SERF2: variants seen among roughly 807,000 people sequenced by gnomAD.
SERF2 encodes gastric cancer-related protein VRG107.
A neutral mutation model predicts 10.7 loss-of-function variants in SERF2; 4 were observed. That is an observed-to-expected ratio of 0.37 (90% confidence interval 0.18 to 0.86). The LOEUF (loss-of-function observed/expected upper bound fraction) is 0.86. Ranked by LOEUF, SERF2 falls within the 40% of genes least tolerant of loss-of-function variation. SERF2 has a pLI of 0.43. For synonymous variants in SERF2, 26 were observed against 26.0 expected (o/e 1.00, Z 0.01); for missense variants, 47 against 79.1 (o/e 0.59, Z 1.54).
intron 1 of SERF2, among the ~76,000 whole-genome samples, chr15:43,783,800 C>T (rs566210657): frequency 1.3e-5 from 2 of 150,858 alleles, no homozygotes; most frequent in African/African-American, 4.9e-5. Context: ...CTTCCTCTGT[C>T]GTCCAGGCTG....
chr15:43,779,003 T>C (rs1207053298), intron 1 of SERF2, among the ~76,000 whole-genome samples: 2 of 152,186 alleles, frequency 1.3e-5, no homozygotes, highest in Non-Finnish European at 2.9e-5. Context: ...AATAGCATGT[T>C]CCATGTTGAC....
upstream of SERF2, among the ~76,000 whole-genome samples, chr15:43,791,406 A>AT (rs2087059234): frequency 6.9e-6 from 1 of 143,938 alleles, no homozygotes; most frequent in African/African-American, 2.7e-5. Flanking sequence ...CGCCCGGCTA[A>AT]TTTTTTGTAT....
At chr15:43,792,711 C>A in intron 1 of SERF2, 1 of 1,048,172 alleles carries the variant, frequency 9.5e-7, no homozygotes, top group Non-Finnish European at 1.3e-6. Flanking sequence ...CACACCTTGC[C>A]AGCTGTTTGG....
upstream of SERF2, chr15:43,792,240 A>G: frequency 1.3e-6 from 1 of 780,342 alleles, no homozygotes; most frequent in South Asian, 1.4e-5. Context: ...TTCTTGTCCA[A>G]TGGGAGCCGG....
rs771038548 is a variant in SERF2 at position 43,794,995 on chromosome 15, A to C, written c.*1222A>C. The C allele has an allele frequency of 1.9e-6, 3 of 1,600,648 alleles. No individual in the cohort carries two copies. Among genetic ancestry groups the C allele is most frequent in the East Asian group, 4.5e-5 (2 of 44,710 alleles). ...GTCAGGGGAACCCCAGTTTGTGAAA[A>C]GGACTTAGACTGGAGGATATTTGTT... is the stretch of plus-strand genomic sequence containing the variant. On this transcript the variant is annotated 3_prime_UTR_variant, in exon 3 of 3. Coordinates refer to ENST00000249786, the MANE Select transcript of SERF2 (RefSeq NM_001018108.4).
At chr15:43,783,807 G>T (rs2086983302) in intron 1 of SERF2, among the ~76,000 whole-genome samples, 1 of 151,596 alleles carries the variant, frequency 6.6e-6, no homozygotes, top group Non-Finnish European at 1.5e-5. Flanking sequence ...TGTCGTCCAG[G>T]CTGGAGTGTG....
chr15:43,780,542 ACT>A (rs2086956547), intron 1 of SERF2, among the ~76,000 whole-genome samples: 1 of 151,494 alleles, frequency 6.6e-6, no homozygotes, highest in African/African-American at 2.4e-5. Context: ...GAAAACTGAA[ACT>A]CTATATCCAT....
At chr15:43,792,025 C>A (rs578225776), upstream of SERF2, 2 of 460,990 alleles carry the variant, frequency 4.3e-6, no homozygotes, top group East Asian at 8.0e-5. Flanking sequence ...TCACTCTGCA[C>A]GGTCACGTGC....
At chr15:43,777,107 C>G (rs1239463256) in exon 1 of SERF2, 1 of 809,000 alleles carries the variant, frequency 1.2e-6, no homozygotes. Context: ...CCCGGCCAAC[C>G]GCCCGGACCT....
intron 1 of SERF2, among the ~76,000 whole-genome samples, chr15:43,783,481 T>A (rs182778957): frequency 7.3e-5 from 11 of 151,280 alleles, no homozygotes; most frequent in African/African-American, 2.4e-4. Flanking sequence ...TATATTCTTT[T>A]AGTACAGACG....
At chr15:43,788,539 T>C (rs62018952), upstream of SERF2, among the ~76,000 whole-genome samples, 92,195 of 152,086 alleles carry the variant, frequency 0.61, 31,057 homozygotes, top group Non-Finnish European at 0.73. Flanking sequence ...TGGAGTGCAG[T>C]GGCGTGATCA....
In SERF2 at chr15:43,793,813, T is replaced by C. The variant is rs369902877; in HGVS notation, c.*40T>C. The C allele has an allele frequency of 8.7e-6, 14 of 1,614,086 alleles. No individual in the cohort carries two copies. The highest frequency in any genetic ancestry group is 1.1e-5 in the Non-Finnish European group (13 of 1,180,046). The stretch of plus-strand genomic sequence containing the variant: ...GTCCAACCCTCTTGCCCTTCGCCTG[T>C]GTGCCTGGAGCCAGTCCCACCACGC... On this transcript the variant is annotated 3_prime_UTR_variant, in exon 3 of 3. Coordinates refer to ENST00000249786, the MANE Select transcript of SERF2 (RefSeq NM_001018108.4).
At chr15:43,782,437 C>G (rs756599359) in intron 1 of SERF2, among the ~76,000 whole-genome samples, 4 of 152,080 alleles carry the variant, frequency 2.6e-5, no homozygotes, top group Non-Finnish European at 5.9e-5. Context: ...GCTTAGTTAC[C>G]TATGTACTTA....
upstream of SERF2, among the ~76,000 whole-genome samples, chr15:43,787,738 G>T (rs551038514): frequency 6.6e-6 from 1 of 150,658 alleles, no homozygotes; most frequent in East Asian, 2.0e-4. Context: ...TTGCTCTGTT[G>T]CCCAGGCTGG....
rs760950472 is a variant in SERF2 at position 43,793,841 on chromosome 15, G to A, written c.*68G>A. On this transcript the variant is annotated 3_prime_UTR_variant, in exon 3 of 3. Transcript: ENST00000249786. ...GCCTGGAGCCAGTCCCACCACGCTCGCGTTTCCTCCTGTAGTGCTCACAGG... is the reference window on the plus strand; with the variant it reads ...GCCTGGAGCCAGTCCCACCACGCTCACGTTTCCTCCTGTAGTGCTCACAGG... The A allele has an allele frequency of 1.7e-5, 28 of 1,613,568 alleles. 1 individual carries two copies. The South Asian group carries it at 2.9e-4, about 16-fold the overall frequency.
At chr15:43,780,284 C>T (rs1044600103) in intron 1 of SERF2, among the ~76,000 whole-genome samples, 11 of 151,696 alleles carry the variant, frequency 7.3e-5, no homozygotes, top group South Asian at 2.1e-4. Context: ...AGACTACAGG[C>T]GCCCGCCACC....
At chr15:43,782,230 C>T in intron 1 of SERF2, among the ~76,000 whole-genome samples, 1 of 152,082 alleles carries the variant, frequency 6.6e-6, no homozygotes, top group East Asian at 1.9e-4. Flanking sequence ...CTCATCTGCC[C>T]CCAAAATATG....
intron 1 of SERF2, 153 bp downstream of exon 1, chr15:43,792,536 C>G: frequency 3.3e-6 from 5 of 1,515,198 alleles, no homozygotes; most frequent in Non-Finnish European, 4.4e-6. Flanking sequence ...GCCCGGAAAT[C>G]GAGCCCTTTG....
chr15:43,793,840 C>G lies in SERF2; in HGVS notation c.*67C>G. ...TGCCTGGAGCCAGTCCCACCACGCT[C>G]GCGTTTCCTCCTGTAGTGCTCACAG... is the stretch of plus-strand genomic sequence containing the variant. On this transcript the variant is annotated 3_prime_UTR_variant, in exon 3 of 3. Coordinates refer to ENST00000249786, the MANE Select transcript of SERF2 (RefSeq NM_001018108.4). 3.1e-6 allele frequency: 5 copies of G among 1,613,876 alleles called. No individual in the cohort carries two copies. The highest frequency in any genetic ancestry group is 4.2e-6 in the Non-Finnish European group (5 of 1,179,938).
Sources: allele counts gnomAD v4.1 joint callset (sites outside exome capture counted in the v4.1 genomes callset), GRCh38; gene constraint gnomAD v4.1.1; transcripts MANE v1.5; gene names NCBI Gene and HGNC (gene_info 2026-07-23, HGNC 2026-07-21).